The following FLNB variants were observed in gnomAD, a reference collection of about 807,000 sequenced individuals.
The protein encoded by FLNB is filamin-B.
A neutral mutation model predicts 250.6 loss-of-function variants in FLNB; 111 were observed. The ratio of observed to expected loss-of-function variants is 0.44; its 90% CI spans 0.38 to 0.52. The LOEUF (loss-of-function observed/expected upper bound fraction) is 0.52. FLNB is among the 20% of genes least tolerant of loss of function. The probability of loss-of-function intolerance (pLI) is 0.00; values close to 1 mark genes in which losing one functional copy is unlikely to be tolerated. For synonymous variants in FLNB, 1,302 were observed against 1,372.1 expected (o/e 0.95, Z 1.13); for missense variants, 2,869 against 3,447.8 (o/e 0.83, Z 4.20).
chr3:58,015,647 G>T (rs564345999), intron 1 of FLNB, among the ~76,000 whole-genome samples: 331 of 152,288 alleles, frequency 2.2e-3, no homozygotes, highest in African/African-American at 6.7e-3. Context: ...TCAGGCCCAT[G>T]CTCATCACCT....
rs537014618 is a variant in FLNB, at chr3:58,013,621, T to C, written c.292+4765T>C. On this transcript the variant is annotated intron_variant, in intron 1 of 45. Transcript: ENST00000295956. ...GGGTGGATCACCTGAGGTCTGGAGT[T>C]TGAGACCAGCCTGACCAACATGGAG... 1.5e-4 allele frequency among the ~76,000 whole-genome samples: 23 copies of C among 152,050 alleles called. No homozygotes were observed. In the South Asian group the frequency reaches 4.8e-3, roughly 32 times the overall value.
chr3:58,139,405 T>C (rs2097322462), intron 29 of FLNB, among the ~76,000 whole-genome samples: 1 of 152,192 alleles, frequency 6.6e-6, no homozygotes, highest in Non-Finnish European at 1.5e-5. Context: ...CTTAATGACC[T>C]GGCCTTGTGC....
At chr3:58,108,433 G>T (rs535342708) in intron 12 of FLNB, 25 bp from the exon 13 acceptor site, 1 of 1,481,536 alleles carries the variant, frequency 6.7e-7, no homozygotes, top group South Asian at 1.1e-5. Context: ...CACAGAAAGA[G>T]ACTTACTATC....
At chr3:58,050,165 G>T (rs537352731) in intron 1 of FLNB, among the ~76,000 whole-genome samples, 2 of 152,070 alleles carry the variant, frequency 1.3e-5, no homozygotes, top group South Asian at 4.2e-4. Context: ...GAGTAGCTGG[G>T]ACTACAGCCA....
At chr3:58,083,257 T>TA (rs1198784713) in intron 4 of FLNB, among the ~76,000 whole-genome samples, 280 of 136,838 alleles carry the variant, frequency 2.0e-3, no homozygotes, top group African/African-American at 7.0e-3. Context: ...TTTTTTTTTT[T>TA]AAATGACACT....
Position 58,150,165 on chromosome 3 carries a change from C to A in FLNB, c.6305C>A (p.Thr2102Asn), listed in dbSNP as rs953604004. The A allele has an allele frequency of 3.1e-6, 5 of 1,614,102 alleles. No homozygotes were observed. In the African/African-American group the frequency reaches 6.7e-5, roughly 22 times the overall value. ...AGAGTCAAAGAGAGCATCACCCGCA[C>A]CAGTCGGGCCCCGTCCGTGGCCACT... Reference protein sequence around the residue: ...EGRVKESITRTSRAPSVATVG... With the variant: ...EGRVKESITRNSRAPSVATVG... The change falls in exon 38 of 46, where the codon ACC becomes AAC. Residue 2102 changes from threonine (T) to asparagine (N), a missense_variant. Thr to Asn is a moderately conservative substitution (Grantham distance 65, BLOSUM62 0). This residue lies in a region of FLNB where 1,084 missense variants were observed against 1,315.5 expected (regional missense o/e 0.82). Transcript: ENST00000295956.
intron 18 of FLNB, among the ~76,000 whole-genome samples, chr3:58,113,452 A>G (rs2097272489): frequency 6.6e-6 from 1 of 152,216 alleles, no homozygotes; most frequent in Admixed American, 6.5e-5. Context: ...AGGAGCAGTC[A>G]AGAGTCAAGT....
intron 1 of FLNB, among the ~76,000 whole-genome samples, chr3:58,053,356 G>A (rs2097165498): frequency 6.6e-6 from 1 of 152,178 alleles, no homozygotes. Context: ...GTTAATTTCT[G>A]TGGTATACAT....
chr3:58,094,776 G>A, intron 4 of FLNB, 60 bp from the exon 5 acceptor site: 1 of 1,381,422 alleles, frequency 7.2e-7, no homozygotes, highest in Non-Finnish European at 1.0e-6. Context: ...GATGCAGTGG[G>A]CGATGGCTCA....
chr3:58,104,971 T>C (rs1310471580), intron 10 of FLNB, 109 bp from the exon 11 acceptor site: 2 of 1,464,246 alleles, frequency 1.4e-6, no homozygotes, highest in Middle Eastern at 1.7e-4. Flanking sequence ...GGATGCCAGA[T>C]GAAAGGATCA....
At chr3:58,098,214 A>G (rs2097242491) in intron 7 of FLNB, among the ~76,000 whole-genome samples, 1 of 152,208 alleles carries the variant, frequency 6.6e-6, no homozygotes, top group African/African-American at 2.4e-5. Flanking sequence ...TTTTCCATGT[A>G]GTAAATAGAA....
chr3:58,133,438 A>G (rs9875991), intron 26 of FLNB, among the ~76,000 whole-genome samples: 684 of 46,134 alleles, frequency 0.015, 5 homozygotes, highest in African/African-American at 0.05. Context: ...ACATCTCTGG[A>G]AAAAAAAAAA....
At chr3:58,108,658 T>G (rs2097263571) in intron 13 of FLNB, 87 bp downstream of exon 13, 3 of 810,448 alleles carry the variant, frequency 3.7e-6, no homozygotes, top group Non-Finnish European at 4.3e-6. Flanking sequence ...CCATCTGATC[T>G]TCAGTTTCCT....
chr3:58,148,443 A>C (rs1238535278), intron 35 of FLNB, 79 bp downstream of exon 35: 1 of 1,507,058 alleles, frequency 6.6e-7, no homozygotes, highest in African/African-American at 1.4e-5. Context: ...CTTTCTTGGG[A>C]ATGGGTAGCA....
intron 4 of FLNB, among the ~76,000 whole-genome samples, chr3:58,088,831 A>G (rs1033254191): frequency 1.3e-5 from 2 of 152,192 alleles, no homozygotes; most frequent in African/African-American, 4.8e-5. Flanking sequence ...CAGTCTAGCA[A>G]TAAGGAAGCC....
intron 1 of FLNB, among the ~76,000 whole-genome samples, chr3:58,043,824 T>G (rs2097149689): frequency 6.6e-6 from 1 of 152,152 alleles, no homozygotes; most frequent in African/African-American, 2.4e-5. Context: ...GGCTCCTGTC[T>G]CATGCACCCA....
At chr3:58,082,720 G>A (rs1434031797) in intron 4 of FLNB, among the ~76,000 whole-genome samples, 1 of 151,702 alleles carries the variant, frequency 6.6e-6, no homozygotes, top group African/African-American at 2.4e-5. Context: ...GCATCGAGCC[G>A]AGATCTTGCC....
intron 1 of FLNB, among the ~76,000 whole-genome samples, chr3:58,071,009 G>A (rs1486458277): frequency 2.6e-5 from 4 of 151,000 alleles, no homozygotes; most frequent in African/African-American, 7.3e-5. Flanking sequence ...GTGCAGTGGC[G>A]TGATCATGGT....
At chr3:58,110,312 G>C (rs1299619347) in intron 16 of FLNB, 142 bp downstream of exon 16, 4 of 886,064 alleles carry the variant, frequency 4.5e-6, no homozygotes, top group Non-Finnish European at 7.2e-6. Flanking sequence ...ACCCAAGCTA[G>C]AGTGCAGTGG....
Sources: gnomAD v4.1 joint callset for allele counts (sites outside exome capture counted in the v4.1 genomes callset) on GRCh38, gnomAD v4.1.1 for gene constraint, gnomAD v4.1.1 regional missense constraint, MANE v1.5 for transcripts, NCBI Gene and HGNC (gene_info 2026-07-23, HGNC 2026-07-21) for gene names.